NRDC: variants seen among roughly 807,000 people sequenced by gnomAD.
The protein encoded by NRDC is nardilysin convertase, also known as nardilysin.
In NRDC, 54 loss-of-function variants were observed where a neutral mutation model predicts 147.1. That is an observed-to-expected ratio of 0.37 (90% CI 0.29 to 0.46). NRDC has a LOEUF of 0.46. Among genes scored for constraint, NRDC ranks in the 20% least tolerant of loss-of-function variants. NRDC has a pLI of 1.00. For missense variants in NRDC, 1,082 were observed against 1,370.6 expected, an observed-to-expected ratio of 0.79 and a Z score of 3.33; for synonymous variants, 440 against 482.1, an observed-to-expected ratio of 0.91 and a Z score of 1.14.
intron 14 of NRDC, 67 bp from the exon 15 acceptor site, chr1:51,812,165 C>T: frequency 2.8e-6 from 3 of 1,081,368 alleles, no homozygotes; most frequent in Non-Finnish European, 4.3e-6. Context: ...CCACAACATA[C>T]AAATACTTTC....
Position 51,823,708 on chromosome 1 carries a change from C to T in NRDC, c.1115G>A (p.Arg372His), listed in dbSNP as rs778784914. The part of the protein sequence containing the change: ...THARLREFWM[R>H]YYSSHYMTLV... ...AGTCATGTAATGAGAAGAGTAGTAACGCATCCAGAATTCTCTCAATCTAGC... is the reference window on the plus strand; with the variant it reads ...AGTCATGTAATGAGAAGAGTAGTAATGCATCCAGAATTCTCTCAATCTAGC... Residue 372 changes from arginine (R) to histidine (H), a missense_variant, in exon 7 of 31, where the codon CGT becomes CAT. By Grantham distance (29) the Arg-to-His change is conservative. Transcript: ENST00000352171. 1.1e-5 allele frequency: 17 copies of T among 1,607,550 alleles called. No homozygotes were observed. Among genetic ancestry groups the T allele is most frequent in the Middle Eastern group, 1.7e-4 (1 of 6,058 alleles).
chr1:51,819,028 G>A lies in NRDC; in HGVS notation c.1291+772C>T, dbSNP rs187762141. 5.3e-5 allele frequency among the ~76,000 whole-genome samples: 8 copies of A among 152,300 alleles called. No homozygotes were observed. The East Asian group carries it at 5.8e-4, about 11-fold the overall frequency. ...TCAGAAAGAAATCTGGAGGCCGGGC[G>A]TGGTGGCTCATGCCTGTAATCCCAA... is the stretch of plus-strand genomic sequence containing the variant. On this transcript the variant is annotated intron_variant, in intron 9 of 30. Transcript: ENST00000352171.
chr1:51,811,585 A>G (rs1679719482), intron 15 of NRDC, among the ~76,000 whole-genome samples: 1 of 152,198 alleles, frequency 6.6e-6, no homozygotes, highest in South Asian at 2.1e-4. Context: ...TAATTCGGGA[A>G]CCTTACATTT....
At position 51,840,484 on chromosome 1, in the gene NRDC, T is replaced by C; in HGVS notation, c.372A>G (p.Ala124=). The change falls in exon 2 of 31, where the codon GCA becomes GCG. Residue 124 remains alanine, a synonymous_variant. Transcript: ENST00000352171. ...TATTACTTAGGTCTGAAATCAGAAG[T>C]GCCTGCAAGCCATTCTGTAATTTGA... ...RYIKLQNGLQ[A]LLISDLSNME... 6.2e-7 allele frequency: 1 copy of C among 1,609,686 alleles called. No homozygotes were observed. Among genetic ancestry groups the C allele is most frequent in the Non-Finnish European group, 8.5e-7 (1 of 1,178,478 alleles).
At chr1:51,838,871 T>C (rs1681115133) in intron 2 of NRDC, among the ~76,000 whole-genome samples, 2 of 152,142 alleles carry the variant, frequency 1.3e-5, no homozygotes, top group Non-Finnish European at 2.9e-5. Flanking sequence ...GACATATATA[T>C]ACCTTTTTTT....
chr1:51,844,449 G>C (rs566454757), intron 1 of NRDC, among the ~76,000 whole-genome samples: 22 of 152,064 alleles, frequency 1.4e-4, no homozygotes, highest in African/African-American at 5.3e-4. Context: ...CATGTGAGGA[G>C]ATACCAAGGA....
intron 29 of NRDC, 56 bp downstream of exon 29, chr1:51,790,477 T>C (rs764488749): frequency 1.8e-5 from 20 of 1,088,886 alleles, no homozygotes; most frequent in Non-Finnish European, 2.4e-5. Flanking sequence ...CTGTGATGCC[T>C]GTAGAATCAG....
At chr1:51,793,779 G>A (rs1485758949) in intron 24 of NRDC, among the ~76,000 whole-genome samples, 1 of 152,216 alleles carries the variant, frequency 6.6e-6, no homozygotes, top group Non-Finnish European at 1.5e-5. Flanking sequence ...CCCAGAATTT[G>A]GGGAGTCAGT....
At chr1:51,803,557 G>A (rs540014918) in intron 20 of NRDC, among the ~76,000 whole-genome samples, 25 of 151,602 alleles carry the variant, frequency 1.6e-4, no homozygotes, top group Non-Finnish European at 2.9e-5. Context: ...TGGTTGTGGA[G>A]AAACTGACAG....
intron 5 of NRDC, 131 bp downstream of exon 5, chr1:51,827,665 T>C (rs1344752604): frequency 1.1e-5 from 7 of 661,664 alleles, no homozygotes; most frequent in African/African-American, 3.6e-5. Context: ...GGAACAAACA[T>C]AACACATATT....
intron 6 of NRDC, 138 bp from the exon 7 acceptor site, chr1:51,823,924 C>A (rs1680321902): frequency 2.0e-6 from 1 of 510,138 alleles, no homozygotes; most frequent in Non-Finnish European, 3.4e-6. Context: ...AACCAGTGTG[C>A]AATAATGTAT....
chr1:51,826,872 C>A (rs904233108), intron 5 of NRDC, among the ~76,000 whole-genome samples: 1 of 152,142 alleles, frequency 6.6e-6, no homozygotes, highest in African/African-American at 2.4e-5. Context: ...CTGGTGTCAA[C>A]CCACTCTAGA....
intron 10 of NRDC, among the ~76,000 whole-genome samples, chr1:51,816,869 T>C (rs1240912779): frequency 6.6e-5 from 10 of 152,210 alleles, no homozygotes; most frequent in Non-Finnish European, 1.5e-4. Context: ...TTGAGCAAGA[T>C]ACTTAACCGT....
intron 1 of NRDC, among the ~76,000 whole-genome samples, chr1:51,869,317 T>A (rs1682970750): frequency 1.3e-5 from 2 of 152,200 alleles, no homozygotes; most frequent in African/African-American, 4.8e-5. Flanking sequence ...TCTTTATTGT[T>A]ATTTAACACT....
In NRDC at chr1:51,823,855, A is replaced by G; in HGVS notation, c.1037-69T>C. On this transcript the variant is annotated intron_variant, in intron 6 of 30. Coordinates refer to ENST00000352171, the MANE Select transcript of NRDC (RefSeq NM_001101662.2). ...TTGTTAAAAGTCTTCTACATCATCA[A>G]TGCATATTTTGCTACCATACATGAT... 4 of 1,123,382 alleles carry G rather than the reference A, an allele frequency of 3.6e-6. No homozygotes were observed. The South Asian group carries it at 6.7e-5, about 19-fold the overall frequency. The allele number at this position is 1,123,382 out of a possible 1,614,324, so 69.6% of individuals were successfully genotyped here.
chr1:51,828,004 A>G (rs1680519758), intron 4 of NRDC, 135 bp from the exon 5 acceptor site: 1 of 667,156 alleles, frequency 1.5e-6, no homozygotes, highest in Non-Finnish European at 2.6e-6. Context: ...AATAATCTGC[A>G]TTTCTATATT....
At chr1:51,834,241 T>C in intron 3 of NRDC, 71 bp from the exon 4 acceptor site, 1 of 1,470,868 alleles carries the variant, frequency 6.8e-7, no homozygotes, top group Non-Finnish European at 9.3e-7. Context: ...ATGAACTTTC[T>C]TATATGCATA....
chr1:51,793,518 TAAG>T (rs1200637813), intron 24 of NRDC, among the ~76,000 whole-genome samples: 2 of 152,160 alleles, frequency 1.3e-5, no homozygotes, highest in East Asian at 3.8e-4. Flanking sequence ...AAGTACTCAT[TAAG>T]AAGACTAGGA....
At chr1:51,849,652 T>C (rs1315694545) in intron 1 of NRDC, among the ~76,000 whole-genome samples, 1 of 149,852 alleles carries the variant, frequency 6.7e-6, no homozygotes, top group Non-Finnish European at 1.5e-5. Context: ...CCGTCTCTAC[T>C]AAAAATACAA....
Sources: gnomAD v4.1 joint callset for allele counts (sites outside exome capture counted in the v4.1 genomes callset) on GRCh38, gnomAD v4.1.1 for gene constraint, MANE v1.5 for transcripts, NCBI Gene and HGNC (gene_info 2026-07-23, HGNC 2026-07-21) for gene names.